ABCC4: variants seen among roughly 807,000 people sequenced by gnomAD.
ABCC4 encodes the protein ATP-binding cassette sub-family C member 4.
In ABCC4, 102 loss-of-function variants were observed where a neutral mutation model predicts 168.5. The ratio of observed to expected loss-of-function variants is 0.61; its 90% confidence interval spans 0.52 to 0.71. ABCC4 has a LOEUF of 0.71. Among genes scored for constraint, ABCC4 ranks in the 30% least tolerant of loss-of-function variants. The pLI, the probability that ABCC4 is intolerant of heterozygous loss-of-function variation, is 0.00. For missense variants in ABCC4, 1,402 were observed against 1,605.8 expected (o/e 0.87, Z 2.17); for synonymous variants, 617 against 590.7 (o/e 1.04, Z -0.65).
intron 27 of ABCC4, among the ~76,000 whole-genome samples, chr13:95,047,189 A>T (rs187331605): frequency 6.6e-6 from 1 of 152,266 alleles, no homozygotes; most frequent in Admixed American, 6.5e-5. Context: ...ATTTTAAAAT[A>T]AAAAAATGGA....
At chr13:95,099,794 A>G (rs536234851) in intron 20 of ABCC4, among the ~76,000 whole-genome samples, 1 of 152,310 alleles carries the variant, frequency 6.6e-6, no homozygotes, top group South Asian at 2.1e-4. Context: ...ATGAGAGAGA[A>G]CACTAAGTCA....
At position 95,225,979 on chromosome 13, in the gene ABCC4, A is replaced by AAAG. The variant is rs1555333665; in HGVS notation, c.531+8630_531+8631insCTT. Among the ~76,000 whole-genome samples the AAAG allele has an allele frequency of 2.0e-5, 3 of 148,852 alleles. 1 individual carries two copies. Among genetic ancestry groups the AAAG allele is most frequent in the South Asian group, 4.2e-4 (2 of 4,754 alleles). ...ACTCCATCTCCACTTAAAAAAAAAA[A>AAAG]AAAAAGAAAAAGAAATGTATAAAGA... On this transcript the variant is annotated intron_variant, in intron 4 of 30. Coordinates refer to ENST00000645237, the MANE Select transcript of ABCC4 (RefSeq NM_005845.5).
chr13:95,185,812 ACAAT>A (rs1447884252), intron 11 of ABCC4, among the ~76,000 whole-genome samples: 1 of 152,120 alleles, frequency 6.6e-6, no homozygotes, highest in Non-Finnish European at 1.5e-5. Context: ...ACCTCAGTGT[ACAAT>A]CAAACACTTC....
intron 7 of ABCC4, among the ~76,000 whole-genome samples, chr13:95,207,598 G>A (rs189109077): frequency 8.7e-4 from 133 of 152,298 alleles, no homozygotes; most frequent in Middle Eastern, 6.8e-3. Flanking sequence ...CATGCTTTCT[G>A]TTTAAGAACA....
intron 30 of ABCC4, among the ~76,000 whole-genome samples, chr13:95,024,206 C>CAAAACAAAAAA (rs1555301367): frequency 2.3e-5 from 1 of 43,944 alleles, no homozygotes; most frequent in Non-Finnish European, 5.2e-5. Context: ...GAGACTGTCT[C>CAAAACAAAAAA]AAAAAAAAAA....
At chr13:95,196,417 T>C (rs1017880853) in intron 8 of ABCC4, among the ~76,000 whole-genome samples, 1 of 152,092 alleles carries the variant, frequency 6.6e-6, no homozygotes, top group Non-Finnish European at 1.5e-5. Context: ...GGAAGCTGCC[T>C]GGACAACTTC....
chr13:95,057,648 T>C (rs2033116097), intron 26 of ABCC4, among the ~76,000 whole-genome samples: 1 of 152,118 alleles, frequency 6.6e-6, no homozygotes, highest in African/African-American at 2.4e-5. Context: ...AACCACGAAT[T>C]TGAGTTGCTA....
intron 1 of ABCC4, among the ~76,000 whole-genome samples, chr13:95,282,947 A>G (rs1426791747): frequency 6.6e-6 from 1 of 152,056 alleles, no homozygotes; most frequent in African/African-American, 2.4e-5. Flanking sequence ...GGCCAGGCAC[A>G]GTGGCTCAAG....
intron 4 of ABCC4, among the ~76,000 whole-genome samples, chr13:95,225,832 A>T (rs2039448142): frequency 6.6e-6 from 1 of 150,988 alleles, no homozygotes; most frequent in Non-Finnish European, 1.5e-5. Flanking sequence ...TAATAATTAC[A>T]AGGAGAGTTA....
At chr13:95,166,424 T>C in intron 14 of ABCC4, 57 bp from the exon 15 acceptor site, 4 of 1,422,166 alleles carry the variant, frequency 2.8e-6, no homozygotes, top group Non-Finnish European at 3.9e-6. Flanking sequence ...AATGTTAACC[T>C]AATCTAATTC....
chr13:95,036,909 C>T (rs1415333744), intron 29 of ABCC4, among the ~76,000 whole-genome samples: 25 of 151,862 alleles, frequency 1.6e-4, no homozygotes, highest in Admixed American at 1.6e-3. Flanking sequence ...CATGACAAAA[C>T]CCCACCTTTA....
rs143907101 is a variant in ABCC4 at position 95,177,712 on chromosome 13, G to A, written c.1722C>T (p.Phe574=). The A allele has an allele frequency of 4.5e-5, 72 of 1,608,920 alleles. No homozygotes were observed. Among genetic ancestry groups the A allele is most frequent in the Middle Eastern group, 3.3e-4 (2 of 6,064 alleles). The change falls in exon 13 of 31, where the codon TTC becomes TTT. Residue 574 remains phenylalanine (F), a synonymous_variant. Transcript: ENST00000645237. ...AVDAEVSRHL[F]ELCICQILHE... is the part of the protein sequence containing the mutation. ...TAAGACACAAACACACTCACAGTTC[G>A]AACAAGTGTCTGCTAACTTCCGCAT...
At chr13:95,154,090 T>C (rs1264096007) in intron 19 of ABCC4, among the ~76,000 whole-genome samples, 1 of 152,222 alleles carries the variant, frequency 6.6e-6, no homozygotes, top group African/African-American at 2.4e-5. Flanking sequence ...ACAATATTTA[T>C]GTGGCTATTG....
chr13:95,201,634 A>T (rs1042069668), intron 8 of ABCC4, among the ~76,000 whole-genome samples: 1 of 152,196 alleles, frequency 6.6e-6, no homozygotes, highest in African/African-American at 2.4e-5. Flanking sequence ...GAAAATGAGG[A>T]CAAAGTCACG....
chr13:95,228,722 C>T (rs2039537035), intron 4 of ABCC4, among the ~76,000 whole-genome samples: 1 of 151,344 alleles, frequency 6.6e-6, no homozygotes, highest in African/African-American at 2.4e-5. Context: ...TAAGATCATG[C>T]CACTGTGCTC....
chr13:95,297,648 A>G (rs976381364), intron 1 of ABCC4, among the ~76,000 whole-genome samples: 1 of 152,192 alleles, frequency 6.6e-6, no homozygotes, highest in Admixed American at 6.5e-5. Context: ...ACCTAAAAGC[A>G]GGAGGCTAAG....
At chr13:95,086,798 G>A (rs1429239450) in intron 20 of ABCC4, among the ~76,000 whole-genome samples, 1 of 151,940 alleles carries the variant, frequency 6.6e-6, no homozygotes, top group Admixed American at 6.6e-5. Flanking sequence ...CTTCTATTAG[G>A]TACAAGATGA....
At chr13:95,205,157 T>C (rs1428601053) in intron 8 of ABCC4, among the ~76,000 whole-genome samples, 2 of 152,228 alleles carry the variant, frequency 1.3e-5, no homozygotes, top group Admixed American at 6.5e-5. Context: ...TGACCCTGTA[T>C]GGTCTGTTTT....
intron 27 of ABCC4, among the ~76,000 whole-genome samples, chr13:95,046,689 G>C (rs2032593185): frequency 6.6e-6 from 1 of 152,060 alleles, no homozygotes; most frequent in Non-Finnish European, 1.5e-5. Flanking sequence ...CTTGAACCAG[G>C]GAGGCGGAGG....
Sources: allele counts gnomAD v4.1 joint callset (sites outside exome capture counted in the v4.1 genomes callset), GRCh38; gene constraint gnomAD v4.1.1; transcripts MANE v1.5; gene names NCBI Gene and HGNC (gene_info 2026-07-23, HGNC 2026-07-21).